Variants in IDO2 observed in about 807,000 individuals in gnomAD.
The protein encoded by IDO2 is indoleamine 2,3-dioxygenase 2.
Under a neutral mutation model 45.1 loss-of-function variants are expected in IDO2, and 46 were observed. The observed-to-expected ratio is 1.02, with a 90% confidence interval of 0.80 to 1.30. IDO2 has a LOEUF of 1.30. Among genes scored for constraint, IDO2 ranks in the 50% most tolerant of loss-of-function variants. The pLI is 0.00. For missense variants in IDO2, 544 were observed against 491.8 expected (o/e 1.11, Z -1.00); for synonymous variants, 218 against 184.9 (o/e 1.18, Z -1.45).
intron 8 of IDO2, among the ~76,000 whole-genome samples, chr8:39,993,303 G>A (rs78080531): frequency 0.016 from 2,504 of 151,952 alleles, 38 homozygotes; most frequent in Non-Finnish European, 0.024. Flanking sequence ...TCTTGGAAAA[G>A]GTGAAGGATA....
In IDO2 at chr8:40,013,784, T is replaced by C. The variant is rs1802345240; in HGVS notation, c.868+71T>C. 1.3e-5 allele frequency: 8 copies of C among 614,006 alleles called. 1 individual carries two copies. Among genetic ancestry groups the C allele is most frequent in the Non-Finnish European group, 2.0e-5 (8 of 398,330 alleles). The allele number at this position is 614,006 out of a possible 1,614,324, so 38.0% of individuals were successfully genotyped here. ...GGAGAGGTGTTTTTTTTTTTTCCAA[T>C]TGATAAAACCAAATATAAATTAAAA... On this transcript the variant is annotated intron_variant, in intron 10 of 10. Coordinates refer to ENST00000502986, the Ensembl canonical transcript of IDO2.
intron 2 of IDO2, among the ~76,000 whole-genome samples, chr8:39,957,477 A>G (rs541917817): frequency 6.7e-6 from 1 of 148,456 alleles, no homozygotes; most frequent in South Asian, 2.2e-4. Context: ...GCTGTGCATG[A>G]TCCTATGTGC....
intron 6 of IDO2, chr8:39,986,408 G>T (rs1342358293): frequency 6.6e-6 from 1 of 152,134 alleles, no homozygotes. Context: ...GGCAGATGGG[G>T]GCACAGAAGG....
intron 4 of IDO2, among the ~76,000 whole-genome samples, chr8:39,980,206 C>T (rs1161534071): frequency 6.6e-6 from 1 of 152,120 alleles, no homozygotes; most frequent in Admixed American, 6.6e-5. Flanking sequence ...TCTTCATAAT[C>T]CTGTAAAGTA....
At chr8:39,993,265 G>A (rs1434891215) in intron 8 of IDO2, among the ~76,000 whole-genome samples, 5 of 151,264 alleles carry the variant, frequency 3.3e-5, no homozygotes, top group Admixed American at 6.6e-5. Context: ...CTTACTGATC[G>A]CCCCTGTTCT....
exon 8 of IDO2, chr8:39,989,745 A>C: frequency 6.3e-7 from 1 of 1,598,670 alleles, no homozygotes; most frequent in Non-Finnish European, 8.5e-7. Flanking sequence ...CACGAATGCT[A>C]TCTTGCAGCC....
intron 1 of IDO2, among the ~76,000 whole-genome samples, chr8:39,943,309 T>G (rs57245167): frequency 7.3e-4 from 111 of 152,158 alleles, no homozygotes; most frequent in African/African-American, 2.6e-3. Context: ...AGGTGGAGGT[T>G]GCAGTAAGCC....
At chr8:39,935,487 G>C (rs922938412) in intron 1 of IDO2, among the ~76,000 whole-genome samples, 1 of 151,992 alleles carries the variant, frequency 6.6e-6, no homozygotes, top group African/African-American at 2.4e-5. Flanking sequence ...GTCTCACTCT[G>C]TTGCCAGGCT....
intron 3 of IDO2, among the ~76,000 whole-genome samples, chr8:39,964,282 C>T (rs1234078071): frequency 6.6e-6 from 1 of 152,200 alleles, no homozygotes; most frequent in East Asian, 1.9e-4. Context: ...TTGTACCAAC[C>T]TAATAGCTAT....
At position 39,959,762 on chromosome 8, in the gene IDO2, A is replaced by G. The variant is rs141270726; in HGVS notation, c.100-3846A>G. ...CTCTTGAACTCAGGAGGTGGAGCCA[A>G]GATCATGCCACTGCATTCCAGCCTG... On this transcript the variant is annotated intron_variant, in intron 2 of 10. Transcript: ENST00000502986. 5.1e-3 allele frequency among the ~76,000 whole-genome samples: 779 copies of G among 152,298 alleles called. 8 individuals carry two copies. The highest frequency in any genetic ancestry group is 0.018 in the African/African-American group (747 of 41,582).
intron 8 of IDO2, among the ~76,000 whole-genome samples, chr8:39,996,023 G>T (rs1160927482): frequency 6.7e-6 from 1 of 150,238 alleles, no homozygotes. Flanking sequence ...GATATGTCAT[G>T]CTTATTTTCA....
At chr8:39,993,220 A>C (rs1472550812) in intron 8 of IDO2, among the ~76,000 whole-genome samples, 1 of 151,160 alleles carries the variant, frequency 6.6e-6, no homozygotes, top group Non-Finnish European at 1.5e-5. Flanking sequence ...GATTATTAAG[A>C]CATGTGTTTT....
intron 2 of IDO2, among the ~76,000 whole-genome samples, chr8:39,950,035 T>C (rs554779475): frequency 6.6e-6 from 1 of 152,272 alleles, no homozygotes; most frequent in South Asian, 2.1e-4. Context: ...ATTAAAACTA[T>C]CAAAGCTTTT....
chr8:39,987,968 A>G (rs929248158), exon 7 of IDO2: 3 of 1,586,074 alleles, frequency 1.9e-6, no homozygotes, highest in Middle Eastern at 3.3e-4. Context: ...GCCTGGGATA[A>G]AGGTATCTTC....
intron 2 of IDO2, among the ~76,000 whole-genome samples, chr8:39,955,160 G>T (rs1317395927): frequency 6.7e-6 from 1 of 148,936 alleles, no homozygotes; most frequent in Non-Finnish European, 1.5e-5. Flanking sequence ...AAAATATAAG[G>T]CCAGGAAAAA....
chr8:39,978,368 C>T (rs918771610), intron 3 of IDO2, among the ~76,000 whole-genome samples: 1 of 152,188 alleles, frequency 6.6e-6, no homozygotes, highest in African/African-American at 2.4e-5. Context: ...GCAGAGGGGA[C>T]GCGCCTGGTA....
chr8:39,966,678 T>G (rs1808089415), intron 3 of IDO2, among the ~76,000 whole-genome samples: 1 of 152,204 alleles, frequency 6.6e-6, no homozygotes, highest in African/African-American at 2.4e-5. Context: ...TTAATTGCCT[T>G]AGACCCATTC....
chr8:39,941,221 C>CAAAA (rs59745370), intron 1 of IDO2, among the ~76,000 whole-genome samples: 908 of 80,442 alleles, frequency 0.011, 67 homozygotes, highest in African/African-American at 0.017. Flanking sequence ...GACTCCATCT[C>CAAAA]AAAAAAAAAA....
At chr8:39,949,254 C>T in exon 2 of IDO2, 1 of 1,589,788 alleles carries the variant, frequency 6.3e-7, no homozygotes, top group Non-Finnish European at 8.6e-7. Context: ...TTTCTTCTTC[C>T]AGATTCTCTG....
Sources: gnomAD v4.1 joint callset for allele counts (sites outside exome capture counted in the v4.1 genomes callset) on GRCh38, gnomAD v4.1.1 for gene constraint, MANE v1.5 for transcripts, NCBI Gene and HGNC (gene_info 2026-07-23, HGNC 2026-07-21) for gene names.